The following DCLK3 variants were observed in gnomAD, a reference collection of about 807,000 sequenced individuals.
DCLK3 encodes serine/threonine-protein kinase DCLK3.
DCLK3 carries 30 observed loss-of-function variants against 46.4 expected under a neutral mutation model. The ratio of observed to expected loss-of-function variants is 0.65; its 90% CI spans 0.48 to 0.88. DCLK3 has a LOEUF of 0.88. DCLK3 is among the 40% of genes least tolerant of loss of function. DCLK3 has a pLI of 0.00. For synonymous variants in DCLK3, 401 were observed against 339.2 expected, an observed-to-expected ratio of 1.18 and a Z score of -2.00; for missense variants, 846 against 907.1, an observed-to-expected ratio of 0.93 and a Z score of 0.87.
chr3:36,718,268 T>C (rs1467240049), intron 3 of DCLK3, 91 bp from the exon 4 acceptor site: 1 of 1,562,124 alleles, frequency 6.4e-7, no homozygotes, highest in East Asian at 2.3e-5. Flanking sequence ...TGGTTCTAAA[T>C]AGATCTAAGT....
rs746565966 is a variant in DCLK3 at position 36,715,170 on chromosome 3, CTT to C, written c.*156_*157del. On this transcript the variant is annotated 3_prime_UTR_variant, in exon 5 of 5. Transcript: ENST00000636136. ...AATATGTTGTGACATTTAACATTGA[CTT>C]AATTTTTTTAATATGCTTTAAAATA... The C allele has an allele frequency of 1.3e-4, 107 of 797,854 alleles. No individual in the cohort carries two copies. Among genetic ancestry groups the C allele is most frequent in the Non-Finnish European group, 1.9e-4 (102 of 542,426 alleles). The allele number at this position is 797,854 out of a possible 1,614,324, so 49.4% of individuals were successfully genotyped here. A position where few individuals can be genotyped will look rare whatever the true frequency, so the allele number is the denominator to read the frequency against.
intron 3 of DCLK3, among the ~76,000 whole-genome samples, chr3:36,719,344 T>C (rs373865258): frequency 2.0e-4 from 31 of 152,328 alleles, no homozygotes; most frequent in Middle Eastern, 3.4e-3. Context: ...AGTTAGATAT[T>C]CATAATTAAG....
intron 2 of DCLK3, among the ~76,000 whole-genome samples, chr3:36,735,918 C>T (rs1214921182): frequency 1.3e-5 from 2 of 152,178 alleles, no homozygotes; most frequent in Non-Finnish European, 2.9e-5. Context: ...AAACAAAGTC[C>T]ATGCTGTCAT....
chr3:36,763,660 G>A (rs893481559), intron 1 of DCLK3, among the ~76,000 whole-genome samples: 5 of 152,230 alleles, frequency 3.3e-5, no homozygotes, highest in African/African-American at 9.6e-5. Flanking sequence ...CTATGGAGCC[G>A]TGTGACCCTG....
intron 1 of DCLK3, among the ~76,000 whole-genome samples, chr3:36,758,745 A>T (rs1701510800): frequency 6.6e-6 from 1 of 152,242 alleles, no homozygotes; most frequent in South Asian, 2.1e-4. Flanking sequence ...ATCAAGAAAC[A>T]TTATTTTAAT....
intron 1 of DCLK3, among the ~76,000 whole-genome samples, chr3:36,748,293 CCT>C (rs758425115): frequency 3.9e-5 from 6 of 152,172 alleles, no homozygotes; most frequent in Non-Finnish European, 2.9e-5. Context: ...GGCCTCTCCC[CCT>C]GTGCTCCCAA....
At chr3:36,730,857 G>T (rs533720898) in intron 2 of DCLK3, among the ~76,000 whole-genome samples, 3 of 152,096 alleles carry the variant, frequency 2.0e-5, no homozygotes, top group East Asian at 3.9e-4. Context: ...GCCATATTAA[G>T]ATGTGAGGAG....
rs543055521 is a variant in DCLK3, at chr3:36,713,184, T to C, written c.*2144A>G. The C allele has an allele frequency of 6.6e-6, 1 of 152,228 alleles. No homozygotes were observed. The highest frequency in any genetic ancestry group is 2.4e-5 in the African/African-American group (1 of 41,526). 9.4% of individuals were successfully genotyped at this position (152,228 alleles called of 1,614,324 possible). A position where few individuals can be genotyped will look rare whatever the true frequency, so the allele number is the denominator to read the frequency against. On this transcript the variant is annotated 3_prime_UTR_variant, in exon 5 of 5. Transcript: ENST00000636136. ...ATTGTGATTTTAATTTGCATTTCCCTAGCCACTAAGGATGCAACTACAGCT... is the reference window on the plus strand; with the variant it reads ...ATTGTGATTTTAATTTGCATTTCCCCAGCCACTAAGGATGCAACTACAGCT...
intron 1 of DCLK3, among the ~76,000 whole-genome samples, chr3:36,748,326 G>A (rs1034886695): frequency 1.3e-5 from 2 of 152,202 alleles, no homozygotes; most frequent in African/African-American, 4.8e-5. Context: ...GCTGGTTTAA[G>A]TGTTGTTGGA....
intron 1 of DCLK3, among the ~76,000 whole-genome samples, chr3:36,745,506 T>C (rs1245210836): frequency 2.0e-5 from 3 of 152,192 alleles, no homozygotes; most frequent in Non-Finnish European, 4.4e-5. Flanking sequence ...AAAAGATGAC[T>C]AAAAAAGAAA....
chr3:36,725,137 A>AC (rs1359872773), intron 2 of DCLK3, among the ~76,000 whole-genome samples: 1 of 151,952 alleles, frequency 6.6e-6, no homozygotes, highest in Non-Finnish European at 1.5e-5. Flanking sequence ...ACACGGTGAA[A>AC]CCCATCTCTA....
intron 4 of DCLK3, among the ~76,000 whole-genome samples, chr3:36,717,219 G>T (rs1023340962): frequency 6.6e-6 from 1 of 152,118 alleles, no homozygotes; most frequent in African/African-American, 2.4e-5. Flanking sequence ...GGGCTTAAGT[G>T]GTCCTCCTGC....
At chr3:36,729,490 G>A (rs979224247) in intron 2 of DCLK3, among the ~76,000 whole-genome samples, 1 of 152,174 alleles carries the variant, frequency 6.6e-6, no homozygotes, top group South Asian at 2.1e-4. Context: ...GTCATGCTTG[G>A]AATTCAAGTG....
At chr3:36,721,793 C>G (rs1297161232) in intron 2 of DCLK3, 134 bp from the exon 3 acceptor site, 6 of 1,029,572 alleles carry the variant, frequency 5.8e-6, no homozygotes, top group Non-Finnish European at 8.4e-6. Context: ...TAGCCCAACA[C>G]TGACAAAGCT....
intron 1 of DCLK3, among the ~76,000 whole-genome samples, chr3:36,754,866 C>G (rs1701472590): frequency 6.6e-6 from 1 of 152,130 alleles, no homozygotes; most frequent in African/African-American, 2.4e-5. Flanking sequence ...CATGGACTCT[C>G]ATGAAATAGT....
At position 36,737,714 on chromosome 3, in the gene DCLK3, C is replaced by A; in HGVS notation, c.1453G>T (p.Asp485Tyr). The change falls in exon 2 of 5, where the codon GAC becomes TAC. Residue 485 changes from aspartate to tyrosine, a missense_variant. Coordinates refer to ENST00000636136, the MANE Select transcript of DCLK3 (RefSeq NM_001394672.2). This position sits in a 1 kb window ranked among gnomAD's most constrained non-coding sequence, Gnocchi z 4.4. ...TCCTTTTCTAGCTTTGCAGGTTGGTCATCTCTGAGAGTCATCCTTCTGCCT... is the reference window on the plus strand; with the variant it reads ...TCCTTTTCTAGCTTTGCAGGTTGGTAATCTCTGAGAGTCATCCTTCTGCCT... ...SGGRRMTLRD[D>Y]QPAKLEKEPK... 6.2e-7 allele frequency: 1 copy of A among 1,613,986 alleles called. No homozygotes were observed. Among genetic ancestry groups the A allele is most frequent in the Non-Finnish European group, 8.5e-7 (1 of 1,179,984 alleles).
At chr3:36,753,115 G>C (rs960146151) in intron 1 of DCLK3, among the ~76,000 whole-genome samples, 1 of 152,212 alleles carries the variant, frequency 6.6e-6, no homozygotes, top group Non-Finnish European at 1.5e-5. Flanking sequence ...GTGGATGGTA[G>C]TTAATTGTAG....
At chr3:36,726,180 A>G (rs753712116) in intron 2 of DCLK3, among the ~76,000 whole-genome samples, 14 of 152,124 alleles carry the variant, frequency 9.2e-5, no homozygotes, top group Non-Finnish European at 1.8e-4. Flanking sequence ...CTGCCATTAA[A>G]TAAGTTTTCC....
chr3:36,730,258 A>G (rs1224572771), intron 2 of DCLK3, among the ~76,000 whole-genome samples: 1 of 151,950 alleles, frequency 6.6e-6, no homozygotes, highest in Non-Finnish European at 1.5e-5. Context: ...ATACAAAAGT[A>G]TGACTGAAAA....
Sources: allele counts gnomAD v4.1 joint callset (sites outside exome capture counted in the v4.1 genomes callset), GRCh38; gene constraint gnomAD v4.1.1; non-coding constraint Gnocchi (gnomAD v3.1); transcripts MANE v1.5; gene names NCBI Gene and HGNC (gene_info 2026-07-23, HGNC 2026-07-21).